SUGCT: variants seen among roughly 807,000 people sequenced by gnomAD.
The protein encoded by SUGCT is succinyl-CoA:glutarate-CoA transferase, also known as succinyl-CoA:glutarate CoA-transferase.
A neutral mutation model predicts 55.0 loss-of-function variants in SUGCT; 41 were observed. The ratio of observed to expected loss-of-function variants is 0.74; its 90% CI spans 0.58 to 0.97. The LOEUF (loss-of-function observed/expected upper bound fraction) is 0.97, where lower values mean the gene tolerates loss of function less well. Ranked by LOEUF, SUGCT falls within the 50% of genes least tolerant of loss-of-function variation. The pLI, the probability that SUGCT is intolerant of heterozygous loss-of-function variation, is 0.00. For synonymous variants in SUGCT, 187 were observed against 200.4 expected (o/e 0.93, Z 0.56); for missense variants, 568 against 547.8 (o/e 1.04, Z -0.37).
At chr7:40,452,366 A>C (rs1475963745) in intron 10 of SUGCT, among the ~76,000 whole-genome samples, 1 of 152,154 alleles carries the variant, frequency 6.6e-6, no homozygotes, top group Non-Finnish European at 1.5e-5. Flanking sequence ...ATGTAGACTG[A>C]AGGCTTCTTT....
At chr7:40,514,527 G>A (rs1200651124) in intron 12 of SUGCT, among the ~76,000 whole-genome samples, 1 of 151,874 alleles carries the variant, frequency 6.6e-6, no homozygotes, top group African/African-American at 2.4e-5. Context: ...TGACCAACAT[G>A]GTGAAACTCC....
At chr7:40,628,289 G>A (rs537514103) in intron 12 of SUGCT, among the ~76,000 whole-genome samples, 60 of 152,320 alleles carry the variant, frequency 3.9e-4, no homozygotes, top group East Asian at 2.5e-3. Flanking sequence ...TAGGCTTATT[G>A]AAATGCAAGG....
intron 13 of SUGCT, among the ~76,000 whole-genome samples, chr7:40,752,457 G>A (rs935384008): frequency 2.0e-5 from 3 of 152,168 alleles, no homozygotes; most frequent in Admixed American, 2.0e-4. Flanking sequence ...CCAGGTTTAA[G>A]CAATTCCCCT....
At chr7:40,668,158 A>G (rs1414413808) in intron 12 of SUGCT, among the ~76,000 whole-genome samples, 1 of 152,174 alleles carries the variant, frequency 6.6e-6, no homozygotes, top group Admixed American at 6.5e-5. Flanking sequence ...CTTTTACAGT[A>G]TGATATATTG....
chr7:40,428,924 C>T (rs1430971535), intron 9 of SUGCT, among the ~76,000 whole-genome samples: 4 of 152,146 alleles, frequency 2.6e-5, no homozygotes, highest in African/African-American at 7.2e-5. Flanking sequence ...CCTCTTGTAA[C>T]GCAGGTCTAG....
At chr7:40,972,235 TACC>T in the SUGCT span, among the ~76,000 whole-genome samples, 1 of 152,232 alleles carries the variant, frequency 6.6e-6, no homozygotes, top group Non-Finnish European at 1.5e-5. Flanking sequence ...TGTATCTATG[TACC>T]ACAATTAACT....
chr7:40,665,473 A>G (rs979850063), intron 12 of SUGCT, among the ~76,000 whole-genome samples: 1 of 148,446 alleles, frequency 6.7e-6, no homozygotes, highest in African/African-American at 2.5e-5. Flanking sequence ...ATAAATAAAT[A>G]AATAAAGTAC....
At chr7:40,447,436 G>A (rs908185682) in intron 9 of SUGCT, among the ~76,000 whole-genome samples, 1 of 151,992 alleles carries the variant, frequency 6.6e-6, no homozygotes, top group African/African-American at 2.4e-5. Flanking sequence ...AGGAGGGAAT[G>A]GTTAACAGTA....
chr7:40,155,142 G>GGCAT (rs1783819599), intron 1 of SUGCT, among the ~76,000 whole-genome samples: 1 of 152,126 alleles, frequency 6.6e-6, no homozygotes, highest in Non-Finnish European at 1.5e-5. Flanking sequence ...AAAATTAGCT[G>GGCAT]GGTGTAGTGG....
chr7:40,487,631 A>G (rs946115068), intron 11 of SUGCT, among the ~76,000 whole-genome samples: 10 of 152,102 alleles, frequency 6.6e-5, no homozygotes, highest in African/African-American at 2.4e-4. Flanking sequence ...CTACTATTGT[A>G]TTGCCGTTAA....
the SUGCT span, among the ~76,000 whole-genome samples, chr7:41,000,460 A>G: frequency 6.6e-6 from 1 of 151,922 alleles, no homozygotes; most frequent in African/African-American, 2.4e-5. Context: ...TAAGCAACTA[A>G]GTTAGACTCT....
At chr7:41,028,188 T>C in the SUGCT span, among the ~76,000 whole-genome samples, 1 of 152,040 alleles carries the variant, frequency 6.6e-6, no homozygotes, top group African/African-American at 2.4e-5. Flanking sequence ...GGAACATGCA[T>C]TACAGCAGCA....
intron 13 of SUGCT, among the ~76,000 whole-genome samples, chr7:40,750,005 T>C (rs1243200055): frequency 2.0e-5 from 3 of 152,112 alleles, no homozygotes; most frequent in African/African-American, 7.2e-5. Context: ...CCAGAATAGA[T>C]TGAATTTTTG....
intron 12 of SUGCT, among the ~76,000 whole-genome samples, chr7:40,688,285 GA>G (rs1229800077): frequency 6.6e-6 from 1 of 152,140 alleles, no homozygotes; most frequent in African/African-American, 2.4e-5. Flanking sequence ...AGCACATTCA[GA>G]AAAGGGTGTC....
chr7:40,289,625 A>G (rs996336411), intron 8 of SUGCT, among the ~76,000 whole-genome samples: 3 of 152,180 alleles, frequency 2.0e-5, no homozygotes, highest in Non-Finnish European at 2.9e-5. Flanking sequence ...CACCACTCCT[A>G]TTCAACATAG....
At chr7:40,182,101 T>C in intron 3 of SUGCT, 73 bp downstream of exon 3, 1 of 847,186 alleles carries the variant, frequency 1.2e-6, no homozygotes, top group Non-Finnish European at 1.9e-6. Flanking sequence ...TAAATACCCA[T>C]GTTTAGTGTA....
At chr7:40,907,138 TGTGAGAGAGA>T in the SUGCT span, among the ~76,000 whole-genome samples, 7 of 35,406 alleles carry the variant, frequency 2.0e-4, no homozygotes, top group East Asian at 1.4e-3. Context: ...TGTGTGTGTG[TGTGAGAGAGA>T]GAGAGAGAGA....
At chr7:40,363,567 T>C (rs1283564779) in intron 9 of SUGCT, among the ~76,000 whole-genome samples, 1 of 152,248 alleles carries the variant, frequency 6.6e-6, no homozygotes, top group Non-Finnish European at 1.5e-5. Flanking sequence ...CATTTAATTA[T>C]GTACCCAGCA....
chr7:40,250,180 T>G (rs1437587987), intron 7 of SUGCT, among the ~76,000 whole-genome samples: 1 of 152,044 alleles, frequency 6.6e-6, no homozygotes, highest in Non-Finnish European at 1.5e-5. Flanking sequence ...GGAGGATTGC[T>G]TCAGCTCAGG....
Sources: gnomAD v4.1 joint callset for allele counts (sites outside exome capture counted in the v4.1 genomes callset) on GRCh38, gnomAD v4.1.1 for gene constraint, MANE v1.5 for transcripts, NCBI Gene and HGNC (gene_info 2026-07-23, HGNC 2026-07-21) for gene names.